The following TFCP2L1 variants were observed in gnomAD, a reference collection of about 807,000 sequenced individuals.
TFCP2L1 encodes transcription factor CP2-like protein 1.
In TFCP2L1, 12 loss-of-function variants were observed where a neutral mutation model predicts 72.2. That is an observed-to-expected ratio of 0.17 (90% CI 0.11 to 0.27). The LOEUF (loss-of-function observed/expected upper bound fraction) is 0.27. Among genes scored for constraint, TFCP2L1 ranks in the 10% least tolerant of loss-of-function variants. TFCP2L1 has a pLI of 1.00. For synonymous variants in TFCP2L1, 260 were observed against 251.0 expected, an observed-to-expected ratio of 1.04 and a Z score of -0.34; for missense variants, 488 against 624.6, an observed-to-expected ratio of 0.78 and a Z score of 2.33.
chr2:121,239,874 G>A (rs998180661), intron 7 of TFCP2L1, among the ~76,000 whole-genome samples: 3 of 152,192 alleles, frequency 2.0e-5, no homozygotes, highest in African/African-American at 7.2e-5. Flanking sequence ...TGGAGCAAGT[G>A]AAGTACCCAA....
intron 2 of TFCP2L1, among the ~76,000 whole-genome samples, chr2:121,280,347 G>A (rs1016836934): frequency 8.5e-5 from 13 of 152,130 alleles, no homozygotes; most frequent in Non-Finnish European, 1.3e-4. Flanking sequence ...ACCCTGCTCC[G>A]GTGCTGCGCA....
intron 2 of TFCP2L1, among the ~76,000 whole-genome samples, chr2:121,269,755 A>T (rs1306998997): frequency 6.6e-6 from 1 of 151,908 alleles, no homozygotes; most frequent in Non-Finnish European, 1.5e-5. Context: ...CTAAAAATAC[A>T]AAAATTAGCC....
Position 121,236,209 on chromosome 2 carries a change from C to T in TFCP2L1, c.1004-898G>A, listed in dbSNP as rs192752613. 4.6e-5 allele frequency among the ~76,000 whole-genome samples: 7 copies of T among 152,256 alleles called. No individual in the cohort carries two copies. The East Asian group carries it at 7.7e-4, about 17-fold the overall frequency. The stretch of plus-strand genomic sequence containing the variant: ...GGCTGTTATGAATAGGCTCTCTGAA[C>T]GTTCTCATACATGTCTTTGTTCATT... On this transcript the variant is annotated intron_variant, in intron 10 of 14. Coordinates refer to ENST00000263707, the MANE Select transcript of TFCP2L1 (RefSeq NM_014553.3).
In TFCP2L1 at chr2:121,224,445, T is replaced by C. The variant is rs554468506; in HGVS notation, c.1394-58A>G. ...GGAAAAAAGGTGCAGTGCCACAGTA[T>C]TGGGGAGTCCCAAAAGGCACGCTGT... On this transcript the variant is annotated intron_variant, in intron 14 of 14. Transcript: ENST00000263707. 5.9e-5 allele frequency: 93 copies of C among 1,585,512 alleles called. 1 individual carries two copies. The highest frequency in any genetic ancestry group is 4.5e-4 in the South Asian group (40 of 88,104).
intron 13 of TFCP2L1, among the ~76,000 whole-genome samples, chr2:121,230,678 T>G (rs1457208367): frequency 6.6e-6 from 1 of 151,450 alleles, no homozygotes; most frequent in African/African-American, 2.4e-5. Flanking sequence ...GAGCCTGAGG[T>G]GGGAGGATGG....
At chr2:121,243,348 C>T (rs546816311) in intron 6 of TFCP2L1, among the ~76,000 whole-genome samples, 31 of 152,312 alleles carry the variant, frequency 2.0e-4, no homozygotes, top group African/African-American at 7.2e-4. Flanking sequence ...CAGGGGGCAC[C>T]TTTCTCAGGC....
chr2:121,239,587 A>C lies in TFCP2L1; in HGVS notation c.831T>G (p.Gly277=). ...VNSAPSPSYN[G]SPNSFGLGEG... ...CGCCGAGGCCAAAGCTGTTTGGAGA[A>C]CCATTGTAGCTTGGGGACGGGGCGC... The change falls in exon 8 of 15, where the codon GGT becomes GGG. Residue 277 remains glycine, a synonymous_variant. Coordinates refer to ENST00000263707, the MANE Select transcript of TFCP2L1 (RefSeq NM_014553.3). 6.2e-7 allele frequency: 1 copy of C among 1,614,156 alleles called. No homozygotes were observed. The highest frequency in any genetic ancestry group is 8.5e-7 in the Non-Finnish European group (1 of 1,180,016).
In TFCP2L1 at chr2:121,242,234, A is replaced by G. The variant is rs536024416; in HGVS notation, c.768+125T>C. On this transcript the variant is annotated intron_variant, in intron 7 of 14. Transcript: ENST00000263707. The stretch of plus-strand genomic sequence containing the variant: ...CGAGCTCCAGACACTGGAACCCACC[A>G]CAACAGAATAAGCACTCTCAGAAGT... The G allele has an allele frequency of 2.0e-4, 159 of 787,780 alleles. 2 individuals are homozygous for G. In the Middle Eastern group the frequency reaches 4.9e-3, roughly 24 times the overall value. 48.8% of individuals were successfully genotyped at this position (787,780 alleles called of 1,614,324 possible).
At chr2:121,270,877 C>A (rs1336610230) in intron 2 of TFCP2L1, among the ~76,000 whole-genome samples, 9 of 136,862 alleles carry the variant, frequency 6.6e-5, no homozygotes. Flanking sequence ...TCTAAACACA[C>A]TTTTTTTTTT....
intron 6 of TFCP2L1, 114 bp from the exon 7 acceptor site, chr2:121,242,583 G>C: frequency 1.1e-6 from 1 of 934,614 alleles, no homozygotes; most frequent in Non-Finnish European, 1.7e-6. Context: ...AGGAACTCAG[G>C]GGCAGGACAG....
At chr2:121,279,301 C>A (rs1398585920) in intron 2 of TFCP2L1, among the ~76,000 whole-genome samples, 1 of 152,240 alleles carries the variant, frequency 6.6e-6, no homozygotes, top group Non-Finnish European at 1.5e-5. Flanking sequence ...TAGCACTTGA[C>A]CTTCCATGAA....
chr2:121,261,518 G>C (rs1573385932), intron 2 of TFCP2L1, among the ~76,000 whole-genome samples: 1 of 152,168 alleles, frequency 6.6e-6, no homozygotes, highest in Admixed American at 6.5e-5. Flanking sequence ...AATGATTTCA[G>C]TTTTACCCAC....
At chr2:121,277,351 G>A (rs1226496669) in intron 2 of TFCP2L1, among the ~76,000 whole-genome samples, 1 of 152,106 alleles carries the variant, frequency 6.6e-6, no homozygotes, top group Non-Finnish European at 1.5e-5. Flanking sequence ...GAAAAGAAAT[G>A]TTAGTTTAGG....
intron 2 of TFCP2L1, 141 bp from the exon 3 acceptor site, chr2:121,249,788 G>A (rs555156307): frequency 1.4e-4 from 108 of 774,006 alleles, no homozygotes; most frequent in Middle Eastern, 2.6e-4. Flanking sequence ...GAAAACCCAC[G>A]ACCAGCTCAG....
At chr2:121,284,926 G>A (rs959693221) in intron 1 of TFCP2L1, 122 bp downstream of exon 1, 4 of 862,066 alleles carry the variant, frequency 4.6e-6, no homozygotes, top group Admixed American at 8.8e-5. Context: ...TCAGTCCCCA[G>A]AGGGCGGACA....
chr2:121,262,322 G>A (rs1476571960), intron 2 of TFCP2L1, among the ~76,000 whole-genome samples: 8 of 151,974 alleles, frequency 5.3e-5, no homozygotes, highest in Non-Finnish European at 7.4e-5. Flanking sequence ...AAAATTAGCC[G>A]GGCGTGGTGG....
rs1686279217 is a variant in TFCP2L1 at position 121,237,651 on chromosome 2, C to T, written c.975G>A (p.Gln325=). The T allele has an allele frequency of 1.2e-6, 2 of 1,614,076 alleles. No individual in the cohort carries two copies. Among genetic ancestry groups the T allele is most frequent in the Admixed American group, 1.7e-5 (1 of 60,004 alleles). ...AGAAGCTGGCAAAGAGCCGGCAGAA[C>T]TGCGAGAACCTGTTGCGGTGAAGCC... is the stretch of plus-strand genomic sequence containing the variant. ...QQWLHRNRFS[Q]FCRLFASFSG... The change falls in exon 10 of 15, where the codon CAG becomes CAA. Residue 325 remains glutamine (Q), a synonymous_variant. Coordinates refer to ENST00000263707, the MANE Select transcript of TFCP2L1 (RefSeq NM_014553.3).
intron 8 of TFCP2L1, among the ~76,000 whole-genome samples, chr2:121,239,273 C>T (rs943545593): frequency 2.6e-5 from 4 of 152,222 alleles, no homozygotes; most frequent in African/African-American, 9.6e-5. Flanking sequence ...CATTCTGCCC[C>T]AGAGGGCACC....
At chr2:121,234,058 G>A in intron 12 of TFCP2L1, 33 bp downstream of exon 12, 4 of 1,572,924 alleles carry the variant, frequency 2.5e-6, no homozygotes, top group Non-Finnish European at 3.5e-6. Flanking sequence ...GGGACCCAAT[G>A]TGTGGGTCCC....
Sources: allele counts gnomAD v4.1 joint callset (sites outside exome capture counted in the v4.1 genomes callset), GRCh38; gene constraint gnomAD v4.1.1; transcripts MANE v1.5; gene names NCBI Gene and HGNC (gene_info 2026-07-23, HGNC 2026-07-21).